Variants in DDX10 observed in about 807,000 individuals in gnomAD.
The protein encoded by DDX10 is probable ATP-dependent RNA helicase DDX10.
Under a neutral mutation model 104.3 loss-of-function variants are expected in DDX10, and 74 were observed. The ratio of observed to expected loss-of-function variants is 0.71; its 90% CI spans 0.59 to 0.86. The LOEUF (loss-of-function observed/expected upper bound fraction) is 0.86. DDX10 is among the 40% of genes least tolerant of loss of function. The pLI is 0.00. For synonymous variants in DDX10, 351 were observed against 353.4 expected (o/e 0.99, Z 0.08); for missense variants, 952 against 1,040.0 (o/e 0.92, Z 1.16).
chr11:108,717,752 G>A (rs927418242), intron 11 of DDX10, among the ~76,000 whole-genome samples: 8 of 152,206 alleles, frequency 5.3e-5, no homozygotes. Context: ...CAGGTACTTA[G>A]TTATGACAAA....
chr11:108,814,729 T>A (rs1565287161), intron 13 of DDX10, among the ~76,000 whole-genome samples: 1 of 152,214 alleles, frequency 6.6e-6, no homozygotes, highest in African/African-American at 2.4e-5. Flanking sequence ...CCTTCGTAAT[T>A]AAGTTAATGA....
At chr11:108,871,461 CT>C in intron 16 of DDX10, among the ~76,000 whole-genome samples, 1 of 152,306 alleles carries the variant, frequency 6.6e-6, no homozygotes, top group Admixed American at 6.5e-5. Flanking sequence ...GATTCATCCC[CT>C]TTTCTTTCCA....
intron 15 of DDX10, among the ~76,000 whole-genome samples, chr11:108,851,057 A>G (rs1359071672): frequency 6.6e-6 from 1 of 152,190 alleles, no homozygotes; most frequent in African/African-American, 2.4e-5. Flanking sequence ...TGGACAAAGA[A>G]ATTTTTATGA....
rs71050884 is a variant in DDX10, at chr11:108,728,504, C to CTTTT, written c.1965+5066_1965+5069dup. Among the ~76,000 whole-genome samples the CTTTT allele has an allele frequency of 2.1e-3, 257 of 121,772 alleles. 44 individuals are homozygous for CTTTT. Among genetic ancestry groups the CTTTT allele is most frequent in the African/African-American group, 9.7e-3 (236 of 24,400 alleles). 79.9% of individuals were successfully genotyped at this position (121,772 alleles called of 152,430 possible). ...TTTTAAGTATACATACACATTTGTT[C>CTTTT]TTTTTTTTTTTTTTTTTTTTTTTTT... On this transcript the variant is annotated intron_variant, in intron 13 of 17. Coordinates refer to ENST00000322536, the MANE Select transcript of DDX10 (RefSeq NM_004398.4).
Position 108,693,605 on chromosome 11 carries a change from G to T in DDX10, c.1223+5G>T. 1.2e-6 allele frequency: 2 copies of T among 1,601,198 alleles called. No individual in the cohort carries two copies. Among genetic ancestry groups the T allele is most frequent in the South Asian group, 1.1e-5 (1 of 90,780 alleles). ...CAGAGCAGGTAGAACTGCCAGGTAG[G>T]TGTACTGACTAATTTCTTTTCTTTT... On this transcript the variant is annotated splice_donor_5th_base_variant and intron_variant, in intron 9 of 17. Transcript: ENST00000322536.
chr11:108,823,406 T>C (rs1261146938), intron 13 of DDX10, among the ~76,000 whole-genome samples: 1 of 152,188 alleles, frequency 6.6e-6, no homozygotes, highest in Non-Finnish European at 1.5e-5. Context: ...ATGTATGTAT[T>C]GGGATTTAAT....
At position 108,693,617 on chromosome 11, in the gene DDX10, A is replaced by C. The variant is rs765381428; in HGVS notation, c.1223+17A>C. On this transcript the variant is annotated intron_variant, in intron 9 of 17. Coordinates refer to ENST00000322536, the MANE Select transcript of DDX10 (RefSeq NM_004398.4). ...AACTGCCAGGTAGGTGTACTGACTA[A>C]TTTCTTTTCTTTTGCTACTATCTAA... is the stretch of plus-strand genomic sequence containing the variant. The C allele has an allele frequency of 1.1e-5, 17 of 1,577,084 alleles. 1 individual carries two copies. The highest frequency in any genetic ancestry group is 1.7e-4 in the Middle Eastern group (1 of 6,024).
intron 13 of DDX10, among the ~76,000 whole-genome samples, chr11:108,837,604 C>T (rs1862572247): frequency 1.2e-5 from 1 of 82,718 alleles, no homozygotes; most frequent in Non-Finnish European, 2.2e-5. Context: ...CCTTTGGATA[C>T]AGCTTTTTTT....
chr11:108,686,753 A>G (rs545339189), intron 6 of DDX10, among the ~76,000 whole-genome samples: 1 of 152,238 alleles, frequency 6.6e-6, no homozygotes, highest in South Asian at 2.1e-4. Context: ...CTTTTTGGTA[A>G]ATACCAAGGA....
At chr11:108,853,076 C>G (rs1229191811) in intron 16 of DDX10, among the ~76,000 whole-genome samples, 1 of 151,978 alleles carries the variant, frequency 6.6e-6, no homozygotes, top group Non-Finnish European at 1.5e-5. Context: ...TTATTTAATA[C>G]TGAATATAAG....
At chr11:108,834,082 A>G (rs1862512832) in intron 13 of DDX10, among the ~76,000 whole-genome samples, 1 of 151,020 alleles carries the variant, frequency 6.6e-6, no homozygotes, top group Non-Finnish European at 1.5e-5. Flanking sequence ...CAGCCTCTTG[A>G]GTAGCTAAGA....
intron 17 of DDX10, among the ~76,000 whole-genome samples, chr11:108,922,920 A>G (rs1165782266): frequency 6.6e-6 from 1 of 152,254 alleles, no homozygotes; most frequent in Admixed American, 6.5e-5. Context: ...AGTTGGGGCC[A>G]GATGTCCAAA....
intron 13 of DDX10, among the ~76,000 whole-genome samples, chr11:108,770,846 C>T (rs1430737641): frequency 6.6e-6 from 1 of 151,988 alleles, no homozygotes; most frequent in Non-Finnish European, 1.5e-5. Flanking sequence ...TATTTCCTTT[C>T]CTTGGGGTAT....
chr11:108,918,784 A>C (rs532561297), intron 17 of DDX10: 1 of 152,316 alleles, frequency 6.6e-6, no homozygotes, highest in South Asian at 2.1e-4. Flanking sequence ...CTTGCTCACC[A>C]TTTGTTTTCA....
chr11:108,696,331 C>T (rs993177048), intron 9 of DDX10, among the ~76,000 whole-genome samples: 1 of 152,144 alleles, frequency 6.6e-6, no homozygotes, highest in Non-Finnish European at 1.5e-5. Flanking sequence ...CGCGTGCCAC[C>T]ACACCTGCCT....
At chr11:108,874,288 T>G (rs1444573782) in intron 16 of DDX10, among the ~76,000 whole-genome samples, 2 of 152,192 alleles carry the variant, frequency 1.3e-5, no homozygotes, top group African/African-American at 4.8e-5. Context: ...AGAAACAGAA[T>G]GAGCCCCCTC....
Position 108,885,667 on chromosome 11 carries a change from G to A in DDX10, c.2305-32206G>A, listed in dbSNP as rs554997449. Among the ~76,000 whole-genome samples the A allele has an allele frequency of 5.9e-5, 9 of 152,130 alleles. 1 individual carries two copies. The South Asian group carries it at 1.5e-3, about 25-fold the overall frequency. ...TGGGATTACAGGTGTGAGCCACTGC[G>A]TCCGGCCCATTTTCACAATTTTAAT... On this transcript the variant is annotated intron_variant, in intron 16 of 17. Coordinates refer to ENST00000322536, the MANE Select transcript of DDX10 (RefSeq NM_004398.4).
At chr11:108,738,275 A>G (rs142184345) in intron 13 of DDX10, among the ~76,000 whole-genome samples, 649 of 148,348 alleles carry the variant, frequency 4.4e-3, no homozygotes, top group Non-Finnish European at 7.5e-3. Context: ...AAAGGAATCT[A>G]TGAAAATCTG....
At chr11:108,849,183 T>G (rs1005652702) in intron 15 of DDX10, among the ~76,000 whole-genome samples, 1 of 152,128 alleles carries the variant, frequency 6.6e-6, no homozygotes, top group African/African-American at 2.4e-5. Flanking sequence ...TCTTTGGGAC[T>G]TAACCATTCT....
Sources: gnomAD v4.1 joint callset for allele counts (sites outside exome capture counted in the v4.1 genomes callset) on GRCh38, gnomAD v4.1.1 for gene constraint, MANE v1.5 for transcripts, NCBI Gene and HGNC (gene_info 2026-07-23, HGNC 2026-07-21) for gene names.